DMD: variants seen among roughly 807,000 people sequenced by gnomAD.
DMD encodes dystrophin, also known as mutant dystrophin.
In DMD, 63 loss-of-function variants were observed where a neutral mutation model predicts 330.1. The observed-to-expected ratio is 0.19, with a 90% CI of 0.16 to 0.24. The LOEUF (loss-of-function observed/expected upper bound fraction) is 0.24, where lower values mean the gene tolerates loss of function less well. Among genes scored for constraint, DMD ranks in the 10% least tolerant of loss-of-function variants. DMD has a pLI of 1.00. For missense variants in DMD, 3,344 were observed against 2,684.1 expected (o/e 1.25, Z -5.43); for synonymous variants, 1,223 against 959.8 (o/e 1.27, Z -5.07).
chrX:31,520,714 C>T lies in DMD; in HGVS notation c.8218-13261G>A, dbSNP rs759897633. On this transcript the variant is annotated intron_variant, in intron 55 of 78. Coordinates refer to ENST00000357033, the MANE Select transcript of DMD (RefSeq NM_004006.3). ...TTTTTTTTTGAGACGGAGTCTTGCT[C>T]TGTTGCCCAGGCTGGAGTGCAGTGG... Among the ~76,000 whole-genome samples the T allele has an allele frequency of 8.8e-4, 97 of 110,796 alleles. 1 individual carries two copies. The highest frequency in any genetic ancestry group is 3.1e-3 in the African/African-American group (93 of 30,436).
At chrX:32,321,453 G>A (rs2097614294) in intron 41 of DMD, among the ~76,000 whole-genome samples, 1 of 110,981 alleles carries the variant, frequency 9.0e-6, no homozygotes, top group Non-Finnish European at 1.9e-5. Flanking sequence ...ATCTGTTGGA[G>A]ACCATTGATT....
chrX:32,997,996 T>C (rs2093169706), intron 2 of DMD, among the ~76,000 whole-genome samples: 1 of 111,164 alleles, frequency 9.0e-6, no homozygotes, highest in Non-Finnish European at 1.9e-5. Context: ...ATACATGAGG[T>C]GTGTATGTTA....
intron 2 of DMD, among the ~76,000 whole-genome samples, chrX:32,850,129 A>G (rs1298045899): frequency 8.9e-6 from 1 of 111,875 alleles, no homozygotes; most frequent in Non-Finnish European, 1.9e-5. Context: ...AGGCATGATC[A>G]AGGCAGTTAC....
At chrX:32,964,720 TCAAAA>T (rs1388627864) in intron 2 of DMD, among the ~76,000 whole-genome samples, 1 of 110,886 alleles carries the variant, frequency 9.0e-6, no homozygotes, top group Non-Finnish European at 1.9e-5. Flanking sequence ...AAACAAAAAA[TCAAAA>T]CAAAACAAAA....
At chrX:32,984,590 G>A (rs1479294855) in intron 2 of DMD, among the ~76,000 whole-genome samples, 1 of 111,782 alleles carries the variant, frequency 8.9e-6, no homozygotes, top group Non-Finnish European at 1.9e-5. Flanking sequence ...CTATAAAAAG[G>A]GAAGTAAAAA....
At chrX:33,290,669 G>GCATA (rs1407051678) in intron 1 of DMD, among the ~76,000 whole-genome samples, 1 of 111,223 alleles carries the variant, frequency 9.0e-6, no homozygotes, top group Non-Finnish European at 1.9e-5. Context: ...CTAGACAAGT[G>GCATA]CATACAATGT....
chrX:32,325,210 C>G (rs1569557856), intron 41 of DMD, among the ~76,000 whole-genome samples: 1 of 109,212 alleles, frequency 9.2e-6, no homozygotes, highest in Non-Finnish European at 1.9e-5. Context: ...AAATTGTAGA[C>G]TTTTTTTTTG....
chrX:32,621,485 C>A (rs753365656), intron 11 of DMD, among the ~76,000 whole-genome samples: 1 of 101,751 alleles, frequency 9.8e-6, no homozygotes, highest in Admixed American at 1.1e-4. Flanking sequence ...GTTTTATCTT[C>A]TTTTTTTTTT....
chrX:32,732,464 A>T (rs1215622260), intron 7 of DMD, among the ~76,000 whole-genome samples: 6 of 110,803 alleles, frequency 5.4e-5, no homozygotes, highest in African/African-American at 2.0e-4. Flanking sequence ...TAATTGTCAG[A>T]TTCACCAAAG....
chrX:33,274,869 T>C (rs2053210704), intron 1 of DMD, among the ~76,000 whole-genome samples: 1 of 111,157 alleles, frequency 9.0e-6, no homozygotes, highest in African/African-American at 3.3e-5. Context: ...ATAACAAGGA[T>C]CCTAAGACTA....
intron 44 of DMD, among the ~76,000 whole-genome samples, chrX:32,129,613 A>C (rs1317504912): frequency 9.1e-6 from 1 of 109,849 alleles, no homozygotes; most frequent in Non-Finnish European, 1.9e-5. Context: ...CCAAAGAAAA[A>C]CTGCTATAAG....
At chrX:32,961,976 AT>A (rs1268609798) in intron 2 of DMD, among the ~76,000 whole-genome samples, 1 of 111,896 alleles carries the variant, frequency 8.9e-6, no homozygotes, top group Non-Finnish European at 1.9e-5. Flanking sequence ...TTCCTTAATA[AT>A]TTGTACTTTT....
chrX:32,072,066 C>G (rs17270877), intron 44 of DMD, among the ~76,000 whole-genome samples: 3 of 111,395 alleles, frequency 2.7e-5, no homozygotes, highest in Non-Finnish European at 5.7e-5. Context: ...CATGGGCTTG[C>G]TCATTATTTG....
At chrX:32,130,159 C>T (rs2096684488) in intron 44 of DMD, among the ~76,000 whole-genome samples, 1 of 110,622 alleles carries the variant, frequency 9.0e-6, no homozygotes, top group African/African-American at 3.3e-5. Flanking sequence ...TGAAGGCTTA[C>T]ACAGGTGCCT....
chrX:33,101,202 A>G (rs745459890), intron 1 of DMD, among the ~76,000 whole-genome samples: 4 of 112,616 alleles, frequency 3.6e-5, no homozygotes, highest in Non-Finnish European at 7.5e-5. Context: ...TACTAAAGCT[A>G]GGAAAATACA....
At chrX:31,619,055 A>G (rs1013995874) in intron 55 of DMD, among the ~76,000 whole-genome samples, 1 of 111,314 alleles carries the variant, frequency 9.0e-6, no homozygotes, top group Non-Finnish European at 1.9e-5. Flanking sequence ...CACTTAGTAC[A>G]CACCTTGGCA....
chrX:31,787,788 T>C (rs780906024), intron 50 of DMD, among the ~76,000 whole-genome samples: 1 of 112,302 alleles, frequency 8.9e-6, no homozygotes, highest in South Asian at 3.7e-4. Context: ...TGGAACTAGC[T>C]ACATCAAAAT....
rs375987846 is a variant in DMD, at chrX:32,734,142, G to T, written c.650-34849C>A. On this transcript the variant is annotated intron_variant, in intron 7 of 78. Transcript: ENST00000357033. ...CAGAGAATACTACAAACACCTCTAC[G>T]CAAATAAACTAGAAAATCTAGAAGA... Among the ~76,000 whole-genome samples the T allele has an allele frequency of 5.9e-4, 64 of 108,547 alleles. 1 individual carries two copies. The highest frequency in any genetic ancestry group is 3.2e-3 in the South Asian group (8 of 2,479). 94.3% of individuals were successfully genotyped at this position (108,547 alleles called of 115,157 possible).
At chrX:33,101,635 AAAAAG>A (rs1816709562) in intron 1 of DMD, among the ~76,000 whole-genome samples, 1 of 111,875 alleles carries the variant, frequency 8.9e-6, no homozygotes, top group African/African-American at 3.2e-5. Context: ...CATCTCTCAA[AAAAAG>A]AAAAGAAAAG....
Sources: allele counts gnomAD v4.1 joint callset (sites outside exome capture counted in the v4.1 genomes callset), GRCh38; gene constraint gnomAD v4.1.1; transcripts MANE v1.5; gene names NCBI Gene and HGNC (gene_info 2026-07-23, HGNC 2026-07-21).